PDE1A: variants seen among roughly 807,000 people sequenced by gnomAD.
PDE1A encodes dual specificity calcium/calmodulin-dependent 3',5'-cyclic nucleotide phosphodiesterase 1A.
PDE1A carries 35 observed loss-of-function variants against 61.7 expected under a neutral mutation model. The observed-to-expected ratio is 0.57, with a 90% CI of 0.43 to 0.75. The LOEUF is 0.75. PDE1A is among the 30% of genes least tolerant of loss of function. PDE1A has a pLI of 0.00. For missense variants in PDE1A, 597 were observed against 630.6 expected (o/e 0.95, Z 0.57); for synonymous variants, 232 against 213.2 (o/e 1.09, Z -0.77).
the PDE1A span, among the ~76,000 whole-genome samples, chr2:182,617,064 C>A: frequency 6.6e-6 from 1 of 152,170 alleles, no homozygotes; most frequent in Non-Finnish European, 1.5e-5. Flanking sequence ...GGGAGGTAAC[C>A]TCTATGTCCT....
At chr2:182,381,456 AG>A (rs1485127511) in intron 1 of PDE1A, among the ~76,000 whole-genome samples, 1 of 152,188 alleles carries the variant, frequency 6.6e-6, no homozygotes, top group Non-Finnish European at 1.5e-5. Flanking sequence ...GCCCTTTTAA[AG>A]GGCCTTTGTT....
chr2:182,241,242 A>T (rs1690484716), intron 2 of PDE1A, among the ~76,000 whole-genome samples: 1 of 152,190 alleles, frequency 6.6e-6, no homozygotes, highest in Non-Finnish European at 1.5e-5. Flanking sequence ...GAACAGTTGA[A>T]CTTTGCCTCT....
chr2:182,619,979 G>C, the PDE1A span, among the ~76,000 whole-genome samples: 2 of 152,026 alleles, frequency 1.3e-5, no homozygotes, highest in African/African-American at 4.8e-5. Flanking sequence ...CCATCCATAA[G>C]GGTAGAATCT....
intron 11 of PDE1A, among the ~76,000 whole-genome samples, chr2:182,187,373 C>A (rs1418116461): frequency 2.0e-5 from 3 of 152,132 alleles, no homozygotes; most frequent in Non-Finnish European, 4.4e-5. Flanking sequence ...GAGACAACAA[C>A]CTATTCTAAG....
In PDE1A at chr2:182,394,258, C is replaced by T. The variant is rs750959308; in HGVS notation, c.53+32320G>A. ...TAGGTTGCGGGGGGCCTCACAATCA[C>T]GGCAGGAGTTGAAGGAGAAGTAAAG... On this transcript the variant is annotated intron_variant, in intron 1 of 13. Coordinates refer to ENST00000351439, the Ensembl canonical transcript of PDE1A. 9.2e-5 allele frequency among the ~76,000 whole-genome samples: 14 copies of T among 152,136 alleles called. 1 individual carries two copies. Among genetic ancestry groups the T allele is most frequent in the African/African-American group, 2.7e-4 (11 of 41,416 alleles).
At chr2:182,530,601 G>A in the PDE1A span, among the ~76,000 whole-genome samples, 1 of 151,688 alleles carries the variant, frequency 6.6e-6, no homozygotes, top group East Asian at 1.9e-4. Flanking sequence ...AACCATAGAG[G>A]GCAGAAAGAT....
intron 13 of PDE1A, among the ~76,000 whole-genome samples, chr2:182,169,965 TACACACACAC>T (rs5836829): frequency 6.9e-6 from 1 of 145,918 alleles, no homozygotes; most frequent in African/African-American, 2.5e-5. Context: ...TTCTCTTTCA[TACACACACAC>T]ACACACACAC....
chr2:182,553,925 C>T, the PDE1A span, among the ~76,000 whole-genome samples: 1 of 152,126 alleles, frequency 6.6e-6, no homozygotes, highest in African/African-American at 2.4e-5. Flanking sequence ...TATCAGGAGA[C>T]TTTAGACAGT....
At chr2:182,458,731 C>A (rs1405935128) in intron 2 of PDE1A, among the ~76,000 whole-genome samples, 3 of 152,082 alleles carry the variant, frequency 2.0e-5, no homozygotes, top group Non-Finnish European at 4.4e-5. Flanking sequence ...TTATGCTTAT[C>A]TGAAGAGTTC....
At chr2:182,565,830 G>C in the PDE1A span, among the ~76,000 whole-genome samples, 23 of 152,116 alleles carry the variant, frequency 1.5e-4, no homozygotes, top group Admixed American at 8.5e-4. Context: ...TTTGCCCTTA[G>C]TTTTTTTCCC....
the PDE1A span, among the ~76,000 whole-genome samples, chr2:182,555,784 G>A: frequency 7.3e-5 from 11 of 151,702 alleles, no homozygotes; most frequent in Admixed American, 5.9e-4. Flanking sequence ...TGGCCGACAT[G>A]ATGAAACCCC....
chr2:182,533,014 T>C, the PDE1A span, among the ~76,000 whole-genome samples: 1 of 138,202 alleles, frequency 7.2e-6, no homozygotes, highest in East Asian at 2.2e-4. Flanking sequence ...TCAATAAAGT[T>C]GTTAAAAAGC....
chr2:182,269,794 T>C (rs1160261549), intron 1 of PDE1A, among the ~76,000 whole-genome samples: 5 of 152,092 alleles, frequency 3.3e-5, no homozygotes, highest in Non-Finnish European at 5.9e-5. Flanking sequence ...ATGGATAATG[T>C]TAATTTTCTT....
intron 2 of PDE1A, among the ~76,000 whole-genome samples, chr2:182,434,577 G>C (rs1030668047): frequency 6.6e-6 from 1 of 151,818 alleles, no homozygotes; most frequent in Non-Finnish European, 1.5e-5. Flanking sequence ...ATCCCCTTAA[G>C]AGGGGAGCAG....
At chr2:182,576,135 A>G in the PDE1A span, among the ~76,000 whole-genome samples, 2 of 151,958 alleles carry the variant, frequency 1.3e-5, no homozygotes, top group South Asian at 2.1e-4. Flanking sequence ...TCAAATTGTC[A>G]TATAATCATT....
chr2:182,558,160 G>A, the PDE1A span, among the ~76,000 whole-genome samples: 624 of 151,478 alleles, frequency 4.1e-3, 8 homozygotes, highest in African/African-American at 0.013. Flanking sequence ...GATAAGTTTG[G>A]CATCCTTCTG....
intron 13 of PDE1A, among the ~76,000 whole-genome samples, chr2:182,169,101 A>G (rs540633948): frequency 6.6e-6 from 1 of 152,118 alleles, no homozygotes; most frequent in Non-Finnish European, 1.5e-5. Context: ...ACTCATAAGC[A>G]TTTGGTAAAC....
At chr2:182,166,238 T>A (rs1691643688), downstream of PDE1A, among the ~76,000 whole-genome samples, 1 of 152,086 alleles carries the variant, frequency 6.6e-6, no homozygotes, top group Non-Finnish European at 1.5e-5. Flanking sequence ...CAGAGAAGAT[T>A]AACCCATGAG....
At chr2:182,543,038 G>A in the PDE1A span, among the ~76,000 whole-genome samples, 1 of 152,158 alleles carries the variant, frequency 6.6e-6, no homozygotes, top group Admixed American at 6.5e-5. Flanking sequence ...TACTCTGAGT[G>A]AGTCAGCTCA....
Sources: allele counts gnomAD v4.1 joint callset (sites outside exome capture counted in the v4.1 genomes callset), GRCh38; gene constraint gnomAD v4.1.1; transcripts MANE v1.5; gene names NCBI Gene and HGNC (gene_info 2026-07-23, HGNC 2026-07-21).